Variants in SLCO1B3 observed in about 807,000 individuals in gnomAD.
SLCO1B3 encodes the protein solute carrier organic anion transporter family member 1B3.
SLCO1B3 carries 72 observed loss-of-function variants against 71.8 expected under a neutral mutation model. The observed-to-expected ratio is 1.00, with a 90% confidence interval of 0.83 to 1.22. The LOEUF is 1.22. SLCO1B3 is among the 50% of genes most tolerant of loss of function. The pLI is 0.00. For synonymous variants in SLCO1B3, 298 were observed against 278.4 expected, an observed-to-expected ratio of 1.07 and a Z score of -0.70; for missense variants, 911 against 819.7, an observed-to-expected ratio of 1.11 and a Z score of -1.36.
chr12:20,904,096 C>T (rs950326475), intron 15 of SLCO1B3, among the ~76,000 whole-genome samples: 11 of 151,854 alleles, frequency 7.2e-5, no homozygotes, highest in African/African-American at 2.7e-4. Flanking sequence ...AAAAATTAGC[C>T]AGGCATTGTA....
intron 2 of SLCO1B3, among the ~76,000 whole-genome samples, chr12:20,814,976 CTTTTCTTTTTT>C (rs1452641488): frequency 1.7e-5 from 2 of 117,110 alleles, no homozygotes; most frequent in African/African-American, 6.0e-5. Flanking sequence ...CTTTTCTTTT[CTTTTCTTTTTT>C]TTTTTTTTTG....
intron 8 of SLCO1B3, among the ~76,000 whole-genome samples, chr12:20,865,458 C>T (rs1208890589): frequency 1.3e-5 from 2 of 151,800 alleles, no homozygotes; most frequent in Admixed American, 6.6e-5. Flanking sequence ...TGTGTGTTTC[C>T]GTGTGTGTAC....
At position 20,908,635 on chromosome 12, in the gene SLCO1B3, CA is replaced by C. The variant is rs1298806266; in HGVS notation, c.1865+7169del. The stretch of plus-strand genomic sequence containing the variant: ...TTCAGATCATATAGTTGGAATTATA[CA>C]TTTTGTAGCCTTTTCAGAGTAGCTT... On this transcript the variant is annotated intron_variant, in intron 15 of 15. Transcript: ENST00000381545. Among the ~76,000 whole-genome samples, 5 of 152,186 alleles carry C rather than the reference CA, an allele frequency of 3.3e-5. No individual in the cohort carries two copies. In the East Asian group the frequency reaches 9.6e-4, roughly 29 times the overall value.
chr12:20,848,581 C>T (rs1256360605), intron 3 of SLCO1B3, among the ~76,000 whole-genome samples: 3 of 152,018 alleles, frequency 2.0e-5, no homozygotes, highest in African/African-American at 7.2e-5. Context: ...TAAAAGCAAC[C>T]AAGATATCTT....
At chr12:20,890,369 G>C (rs927904743) in intron 13 of SLCO1B3, among the ~76,000 whole-genome samples, 8 of 152,094 alleles carry the variant, frequency 5.3e-5, no homozygotes, top group Admixed American at 4.6e-4. Context: ...CTCTGAAAAG[G>C]TACTTGATAT....
chr12:20,886,790 G>A (rs1865799947), intron 13 of SLCO1B3, among the ~76,000 whole-genome samples: 1 of 151,952 alleles, frequency 6.6e-6, no homozygotes, highest in Non-Finnish European at 1.5e-5. Context: ...CAGTGGTAAA[G>A]TCTGGGGTTT....
intron 15 of SLCO1B3, among the ~76,000 whole-genome samples, chr12:20,912,579 A>C (rs1866406249): frequency 6.8e-6 from 1 of 146,640 alleles, no homozygotes; most frequent in Non-Finnish European, 1.5e-5. Context: ...GCTGGAGTGC[A>C]ATGGTGCAAT....
intron 13 of SLCO1B3, among the ~76,000 whole-genome samples, chr12:20,890,318 G>T (rs146356756): frequency 6.6e-6 from 1 of 152,224 alleles, no homozygotes; most frequent in Non-Finnish European, 1.5e-5. Context: ...GTAGTATTGA[G>T]AATTCTTCTA....
chr12:20,841,688 A>G (rs1310907496), intron 3 of SLCO1B3, among the ~76,000 whole-genome samples: 2 of 152,152 alleles, frequency 1.3e-5, no homozygotes, highest in Non-Finnish European at 2.9e-5. Context: ...TAATAATCAT[A>G]GTTACCAACA....
chr12:20,845,072 T>A, intron 3 of SLCO1B3: 1 of 379,820 alleles, frequency 2.6e-6, no homozygotes, highest in Non-Finnish European at 5.1e-6. Flanking sequence ...CCTCTAAGTT[T>A]CAGAGATGGA....
chr12:20,883,506 C>A lies in SLCO1B3; in HGVS notation c.1586C>A (p.Thr529Asn). ...TTGGGTGAATGCCCAAGAGATAATA[C>A]TTGTACAAGGAAATTTTTCATCTAT... ...AHLGECPRDN[T>N]CTRKFFIYVA... is the part of the protein sequence containing the mutation. Residue 529 changes from threonine to asparagine, a missense_variant, in exon 13 of 16, where the codon ACT (threonine) becomes AAT (asparagine). Thr to Asn is a moderately conservative substitution (Grantham distance 65, BLOSUM62 0). Transcript: ENST00000381545. 6.2e-7 allele frequency: 1 copy of A among 1,604,402 alleles called. No homozygotes were observed. The highest frequency in any genetic ancestry group is 8.5e-7 in the Non-Finnish European group (1 of 1,175,482).
chr12:20,846,712 T>C (rs1026903763), intron 3 of SLCO1B3, among the ~76,000 whole-genome samples: 2 of 152,144 alleles, frequency 1.3e-5, no homozygotes, highest in Non-Finnish European at 2.9e-5. Context: ...TCTAAGCTTC[T>C]ACTGGAAAGG....
At chr12:20,818,762 CAATA>C (rs200258055) in intron 3 of SLCO1B3, among the ~76,000 whole-genome samples, 18,394 of 151,834 alleles carry the variant, frequency 0.12, 847 homozygotes, top group Middle Eastern at 0.17. Context: ...GAACTGCCAT[CAATA>C]AATCAAGCGT....
chr12:20,866,428 A>C (rs1434639137), intron 8 of SLCO1B3, among the ~76,000 whole-genome samples: 1 of 150,242 alleles, frequency 6.7e-6, no homozygotes, highest in Non-Finnish European at 1.5e-5. Flanking sequence ...TAGATGCAAG[A>C]TTGCTATCAG....
chr12:20,850,646 G>A (rs765789916), intron 3 of SLCO1B3, among the ~76,000 whole-genome samples: 8 of 152,142 alleles, frequency 5.3e-5, no homozygotes, highest in South Asian at 2.1e-4. Context: ...TTTTCTATTC[G>A]CTGTATTCTC....
intron 3 of SLCO1B3, among the ~76,000 whole-genome samples, chr12:20,845,637 A>G (rs907167196): frequency 7.2e-6 from 1 of 138,850 alleles, no homozygotes; most frequent in African/African-American, 2.5e-5. Context: ...TTTGTGATGT[A>G]TCATATGATC....
intron 13 of SLCO1B3, among the ~76,000 whole-genome samples, chr12:20,894,692 A>G (rs1345114465): frequency 6.6e-6 from 1 of 152,136 alleles, no homozygotes; most frequent in Admixed American, 6.5e-5. Context: ...CCTTCCCAAA[A>G]TCTCCTTTGA....
intron 12 of SLCO1B3, among the ~76,000 whole-genome samples, chr12:20,882,322 A>C (rs2121311437): frequency 6.6e-6 from 1 of 152,302 alleles, no homozygotes; most frequent in African/African-American, 2.4e-5. Context: ...TTGCTCCATA[A>C]AAGATTCCTC....
chr12:20,816,092 G>A (rs1864187302), intron 3 of SLCO1B3, among the ~76,000 whole-genome samples: 1 of 151,932 alleles, frequency 6.6e-6, no homozygotes, highest in Admixed American at 6.6e-5. Flanking sequence ...TATGTAGTAG[G>A]TATGTATGTT....
Sources: allele counts gnomAD v4.1 joint callset (sites outside exome capture counted in the v4.1 genomes callset), GRCh38; gene constraint gnomAD v4.1.1; transcripts MANE v1.5; gene names NCBI Gene and HGNC (gene_info 2026-07-23, HGNC 2026-07-21).